Variants in NXPH1 observed in about 807,000 individuals in gnomAD.
NXPH1 encodes neurexophilin 1, also known as neurexophilin-1.
A neutral mutation model predicts 23.7 loss-of-function variants in NXPH1; 5 were observed. The ratio of observed to expected loss-of-function variants is 0.21; its 90% CI spans 0.11 to 0.44. NXPH1 has a LOEUF of 0.44. Among genes scored for constraint, NXPH1 ranks in the 20% least tolerant of loss-of-function variants. NXPH1 has a pLI of 0.99. For synonymous variants in NXPH1, 144 were observed against 122.2 expected, an observed-to-expected ratio of 1.18 and a Z score of -1.18; for missense variants, 324 against 321.6, an observed-to-expected ratio of 1.01 and a Z score of -0.06.
At chr7:8,577,532 T>C (rs977968575) in intron 2 of NXPH1, among the ~76,000 whole-genome samples, 1 of 152,224 alleles carries the variant, frequency 6.6e-6, no homozygotes, top group African/African-American at 2.4e-5. Flanking sequence ...CACCCTTTCA[T>C]CTATTGATCT....
At chr7:8,709,113 A>G (rs1029911736) in intron 2 of NXPH1, among the ~76,000 whole-genome samples, 1 of 152,212 alleles carries the variant, frequency 6.6e-6, no homozygotes, top group Non-Finnish European at 1.5e-5. Flanking sequence ...TAAGAAAAAA[A>G]CTGTGCTTCT....
At chr7:8,651,921 A>T (rs1820497044) in intron 2 of NXPH1, among the ~76,000 whole-genome samples, 1 of 152,002 alleles carries the variant, frequency 6.6e-6, no homozygotes, top group Non-Finnish European at 1.5e-5. Context: ...ATTCTTTAAG[A>T]TACTTTTTCC....
intron 2 of NXPH1, among the ~76,000 whole-genome samples, chr7:8,699,963 T>G (rs1484279482): frequency 4.6e-5 from 7 of 152,150 alleles, no homozygotes; most frequent in Non-Finnish European, 1.0e-4. Flanking sequence ...CAGAATCAAA[T>G]TACTTGGTTT....
At chr7:8,539,691 T>C (rs534798992) in intron 2 of NXPH1, among the ~76,000 whole-genome samples, 2 of 151,960 alleles carry the variant, frequency 1.3e-5, no homozygotes, top group South Asian at 4.1e-4. Flanking sequence ...ATTGATTAAA[T>C]TATCAATGCA....
chr7:8,460,880 T>C (rs1424656718), intron 2 of NXPH1, among the ~76,000 whole-genome samples: 2 of 152,206 alleles, frequency 1.3e-5, no homozygotes, highest in African/African-American at 2.4e-5. Context: ...CCTAAGACTT[T>C]GTGAAAAATC....
At chr7:8,710,394 A>G (rs1211775445) in intron 2 of NXPH1, among the ~76,000 whole-genome samples, 2 of 152,120 alleles carry the variant, frequency 1.3e-5, no homozygotes, top group Admixed American at 1.3e-4. Flanking sequence ...CAATTCTTCC[A>G]TGAGGGAGGA....
At chr7:8,515,053 G>T (rs1817666889) in intron 2 of NXPH1, among the ~76,000 whole-genome samples, 1 of 152,128 alleles carries the variant, frequency 6.6e-6, no homozygotes, top group Admixed American at 6.6e-5. Context: ...GTGTATGTGT[G>T]TGTGTGTAAG....
chr7:8,549,960 G>GT (rs1327704504), intron 2 of NXPH1, among the ~76,000 whole-genome samples: 7 of 151,700 alleles, frequency 4.6e-5, no homozygotes, highest in South Asian at 4.1e-4. Flanking sequence ...GCACTGAACA[G>GT]TGAGGATTGA....
intron 2 of NXPH1, among the ~76,000 whole-genome samples, chr7:8,579,753 A>AC (rs1252781539): frequency 6.6e-6 from 1 of 152,184 alleles, no homozygotes; most frequent in African/African-American, 2.4e-5. Context: ...TGATTGTTCC[A>AC]CTTGATTGCC....
chr7:8,665,068 C>T (rs6955715), intron 2 of NXPH1, among the ~76,000 whole-genome samples: 110,689 of 151,648 alleles, frequency 0.73, 40,824 homozygotes, highest in East Asian at 1. Flanking sequence ...ACCTGTGCAT[C>T]TGGGGTCATA....
At chr7:8,654,558 G>A (rs753457368) in intron 2 of NXPH1, among the ~76,000 whole-genome samples, 1 of 152,206 alleles carries the variant, frequency 6.6e-6, no homozygotes, top group Admixed American at 6.5e-5. Flanking sequence ...CCCATCCCCA[G>A]CAGTTGGTAG....
intron 2 of NXPH1, among the ~76,000 whole-genome samples, chr7:8,578,606 G>A (rs1303918023): frequency 1.3e-5 from 2 of 152,216 alleles, no homozygotes; most frequent in Non-Finnish European, 2.9e-5. Context: ...TAACAAATCT[G>A]TATTGAGTAA....
intron 2 of NXPH1, among the ~76,000 whole-genome samples, chr7:8,436,495 T>C (rs1816198144): frequency 6.6e-6 from 1 of 152,208 alleles, no homozygotes; most frequent in African/African-American, 2.4e-5. Context: ...TAGCAGAGTT[T>C]TCCGGGGGGC....
At chr7:8,609,475 T>A (rs1819571182) in intron 2 of NXPH1, among the ~76,000 whole-genome samples, 1 of 152,168 alleles carries the variant, frequency 6.6e-6, no homozygotes, top group Admixed American at 6.5e-5. Context: ...ATTATGCAAA[T>A]GGATCTTGTG....
chr7:8,695,347 T>A (rs1379711646), intron 2 of NXPH1, among the ~76,000 whole-genome samples: 1 of 152,194 alleles, frequency 6.6e-6, no homozygotes, highest in Non-Finnish European at 1.5e-5. Flanking sequence ...AATTAGTGAT[T>A]GATGGAGCCA....
At chr7:8,672,360 A>G (rs891031578) in intron 2 of NXPH1, among the ~76,000 whole-genome samples, 27 of 152,236 alleles carry the variant, frequency 1.8e-4, no homozygotes, top group African/African-American at 6.0e-4. Flanking sequence ...TAGGAGATAT[A>G]CCTAATGCTA....
At chr7:8,738,291 C>T (rs1377845424) in intron 2 of NXPH1, among the ~76,000 whole-genome samples, 1 of 152,134 alleles carries the variant, frequency 6.6e-6, no homozygotes, top group East Asian at 1.9e-4. Flanking sequence ...ATGTTGGTGA[C>T]CTTTGGATGG....
intron 2 of NXPH1, among the ~76,000 whole-genome samples, chr7:8,624,132 T>C (rs1819939367): frequency 6.6e-6 from 1 of 152,026 alleles, no homozygotes; most frequent in African/African-American, 2.4e-5. Flanking sequence ...GCAGTGATAA[T>C]TGGTAGCACA....
intron 2 of NXPH1, among the ~76,000 whole-genome samples, chr7:8,646,385 C>CT (rs1820400554): frequency 6.6e-6 from 1 of 152,112 alleles, no homozygotes. Flanking sequence ...TTATTTCATG[C>CT]TTTATCTGTC....
Sources: gnomAD v4.1 joint callset for allele counts (sites outside exome capture counted in the v4.1 genomes callset) on GRCh38, gnomAD v4.1.1 for gene constraint, MANE v1.5 for transcripts, NCBI Gene and HGNC (gene_info 2026-07-23, HGNC 2026-07-21) for gene names.